ZCCHC4: variants seen among roughly 807,000 people sequenced by gnomAD.
ZCCHC4 encodes rRNA N(6)-adenosine-methyltransferase ZCCHC4.
In ZCCHC4, 54 loss-of-function variants were observed where a neutral mutation model predicts 67.7. The ratio of observed to expected loss-of-function variants is 0.80; its 90% CI spans 0.64 to 1.00. The LOEUF is 1.00. Among genes scored for constraint, ZCCHC4 ranks in the 50% least tolerant of loss-of-function variants. ZCCHC4 has a pLI of 0.00. For missense variants in ZCCHC4, 609 were observed against 617.0 expected, an observed-to-expected ratio of 0.99 and a Z score of 0.14; for synonymous variants, 198 against 213.5, an observed-to-expected ratio of 0.93 and a Z score of 0.63.
chr4:25,330,507 G>A (rs1427076555), intron 3 of ZCCHC4, among the ~76,000 whole-genome samples: 3 of 152,120 alleles, frequency 2.0e-5, no homozygotes, highest in African/African-American at 2.4e-5. Context: ...GCCAACTCTG[G>A]CCATGCCTAT....
At chr4:25,340,158 G>A (rs1421299059) in intron 5 of ZCCHC4, among the ~76,000 whole-genome samples, 1 of 152,090 alleles carries the variant, frequency 6.6e-6, no homozygotes, top group South Asian at 2.1e-4. Flanking sequence ...ATGAGCCACC[G>A]TGCCTGGCCT....
At position 25,322,348 on chromosome 4, in the gene ZCCHC4, C is replaced by T. The variant is rs111663347; in HGVS notation, c.329+6948C>T. ...GCAGTTACTCCCATTTCCCCACTCCCCACCCCAGCTTCTAGCAACCACTAT... is the reference window on the plus strand; with the variant it reads ...GCAGTTACTCCCATTTCCCCACTCCTCACCCCAGCTTCTAGCAACCACTAT... On this transcript the variant is annotated intron_variant, in intron 3 of 12. Coordinates refer to ENST00000302874, the MANE Select transcript of ZCCHC4 (RefSeq NM_024936.3). Among the ~76,000 whole-genome samples, 1,033 of 152,250 alleles carry T rather than the reference C, an allele frequency of 6.8e-3. 10 individuals are homozygous for T. The highest frequency in any genetic ancestry group is 0.023 in the African/African-American group (968 of 41,538).
At chr4:25,356,348 A>T (rs1720517306) in intron 8 of ZCCHC4, among the ~76,000 whole-genome samples, 1 of 152,208 alleles carries the variant, frequency 6.6e-6, no homozygotes, top group South Asian at 2.1e-4. Context: ...GTGTGGCTGA[A>T]GCTATGAAAT....
chr4:25,322,693 T>G (rs1718646556), intron 3 of ZCCHC4, among the ~76,000 whole-genome samples: 1 of 152,064 alleles, frequency 6.6e-6, no homozygotes, highest in Admixed American at 6.6e-5. Flanking sequence ...AATTTTTGTA[T>G]TTTTAGTAGA....
chr4:25,354,914 T>TA (rs1192000732), intron 8 of ZCCHC4, among the ~76,000 whole-genome samples: 1 of 149,794 alleles, frequency 6.7e-6, no homozygotes, highest in Non-Finnish European at 1.5e-5. Flanking sequence ...CCTTTTTTTT[T>TA]TTTTTTTTTT....
intron 5 of ZCCHC4, among the ~76,000 whole-genome samples, chr4:25,336,109 A>G (rs1719443834): frequency 6.6e-6 from 1 of 152,260 alleles, no homozygotes; most frequent in South Asian, 2.1e-4. Context: ...CATCACCACT[A>G]GGTACTTCTA....
Position 25,314,039 on chromosome 4 carries a change from G to C in ZCCHC4, c.128-7G>C. Reference sequence around the variant, plus strand: ...ACTTTTTTTTTTTTTTTCTATTCTGGAACTAGGACCCACTCTTCTGTTTGT... The same window carrying C: ...ACTTTTTTTTTTTTTTTCTATTCTGCAACTAGGACCCACTCTTCTGTTTGT... On this transcript the variant is annotated splice_polypyrimidine_tract_variant and splice_region_variant and intron_variant, in intron 1 of 12. Coordinates refer to ENST00000302874, the MANE Select transcript of ZCCHC4 (RefSeq NM_024936.3). 1.5e-6 allele frequency: 2 copies of C among 1,320,236 alleles called. No homozygotes were observed. Among genetic ancestry groups the C allele is most frequent in the South Asian group, 1.3e-5 (1 of 75,592 alleles). The allele number at this position is 1,320,236 out of a possible 1,614,324, so 81.8% of individuals were successfully genotyped here.
rs761919568 is a variant in ZCCHC4, at chr4:25,349,557, G to A, written c.825G>A (p.Thr275=). 3.4e-5 allele frequency: 55 copies of A among 1,613,872 alleles called. No individual in the cohort carries two copies. In the Middle Eastern group the frequency reaches 1.5e-3, roughly 43 times the overall value. The change falls in exon 7 of 13, where the codon ACG becomes ACA. Residue 275 remains threonine, a synonymous_variant. Coordinates refer to ENST00000302874, the MANE Select transcript of ZCCHC4 (RefSeq NM_024936.3). ...EDKGEGIIMV[T]DPPFGGLVEP... ...AAGGCGAAGGAATCATTATGGTGAC[G>A]GATCCTCCGTTTGGTGGCTTGGTTG...
intron 5 of ZCCHC4, among the ~76,000 whole-genome samples, chr4:25,334,657 A>G (rs1167945831): frequency 2.0e-5 from 3 of 152,234 alleles, no homozygotes; most frequent in Non-Finnish European, 4.4e-5. Flanking sequence ...CACTGTGTCT[A>G]TAATTCTGTA....
intron 3 of ZCCHC4, among the ~76,000 whole-genome samples, chr4:25,318,428 C>T (rs967418982): frequency 7.9e-6 from 1 of 126,938 alleles, no homozygotes. Context: ...GCGATCTCAT[C>T]TCACTGCCAC....
chr4:25,336,280 T>G (rs569298084), intron 5 of ZCCHC4, among the ~76,000 whole-genome samples: 122 of 152,330 alleles, frequency 8.0e-4, no homozygotes, highest in African/African-American at 2.8e-3. Context: ...GCATCATGTT[T>G]TCAAGGCTCA....
At chr4:25,327,382 C>A (rs74716301) in intron 3 of ZCCHC4, among the ~76,000 whole-genome samples, 2,348 of 134,004 alleles carry the variant, frequency 0.018, 70 homozygotes, top group African/African-American at 0.069. Flanking sequence ...GAGAATCTCC[C>A]TCCCTCCCTC....
intron 5 of ZCCHC4, among the ~76,000 whole-genome samples, chr4:25,340,834 G>T (rs1719721723): frequency 6.6e-6 from 1 of 152,138 alleles, no homozygotes; most frequent in Admixed American, 6.5e-5. Flanking sequence ...CAAAAATACA[G>T]TTAACCATTG....
rs746314411 is a variant in ZCCHC4, at chr4:25,333,365, C to T, written c.512C>T (p.Ala171Val). The T allele has an allele frequency of 1.2e-6, 2 of 1,613,988 alleles. No homozygotes were observed. Among genetic ancestry groups the T allele is most frequent in the South Asian group, 1.1e-5 (1 of 91,080 alleles). ...CCACTGGAAAACAAGAAGACAAATG[C>T]CCAGTATCTGTTTGCTGATCGGAGC... ...LYPLENKKTN[A>V]QYLFADRSCQ... Residue 171 changes from alanine (A) to valine (V), a missense_variant, in exon 4 of 13, where the codon GCC becomes GTC. By Grantham distance (64) the Ala-to-Val change is moderately conservative. Coordinates refer to ENST00000302874, the MANE Select transcript of ZCCHC4 (RefSeq NM_024936.3).
At chr4:25,316,634 C>CTATT (rs1718278292) in intron 3 of ZCCHC4, among the ~76,000 whole-genome samples, 1 of 151,580 alleles carries the variant, frequency 6.6e-6, no homozygotes, top group Non-Finnish European at 1.5e-5. Context: ...GGAAAAATGT[C>CTATT]TGAGTCCTTT....
intron 5 of ZCCHC4, among the ~76,000 whole-genome samples, chr4:25,343,596 T>A (rs921633590): frequency 1.3e-5 from 2 of 152,208 alleles, no homozygotes; most frequent in Admixed American, 1.3e-4. Context: ...ACTTTTACCA[T>A]TTTACGGATG....
chr4:25,366,846 A>G (rs1032933014), intron 12 of ZCCHC4, among the ~76,000 whole-genome samples: 9 of 152,088 alleles, frequency 5.9e-5, no homozygotes, highest in Non-Finnish European at 2.9e-5. Flanking sequence ...TGTGTTTGGC[A>G]CTAATATACT....
chr4:25,322,862 GTA>G (rs1213552191), intron 3 of ZCCHC4, among the ~76,000 whole-genome samples: 1 of 152,118 alleles, frequency 6.6e-6, no homozygotes, highest in East Asian at 1.9e-4. Context: ...TACCTGAATT[GTA>G]TCTCAGTTTA....
intron 8 of ZCCHC4, among the ~76,000 whole-genome samples, chr4:25,355,289 T>C (rs1297754802): frequency 6.6e-6 from 1 of 152,186 alleles, no homozygotes; most frequent in Non-Finnish European, 1.5e-5. Context: ...TCCTTACCTA[T>C]AAAATAAAAT....
Sources: gnomAD v4.1 joint callset for allele counts (sites outside exome capture counted in the v4.1 genomes callset) on GRCh38, gnomAD v4.1.1 for gene constraint, MANE v1.5 for transcripts, NCBI Gene and HGNC (gene_info 2026-07-23, HGNC 2026-07-21) for gene names.